The following FILIP1 variants were observed in gnomAD, a reference collection of about 807,000 sequenced individuals.
FILIP1 encodes filamin A interacting protein 1, also known as filamin-A-interacting protein 1.
In FILIP1, 61 loss-of-function variants were observed where a neutral mutation model predicts 102.1. That is an observed-to-expected ratio of 0.60 (90% CI 0.49 to 0.74). The LOEUF (loss-of-function observed/expected upper bound fraction) is 0.74. Ranked by LOEUF, FILIP1 falls within the 30% of genes least tolerant of loss-of-function variation. The pLI, the probability that FILIP1 is intolerant of heterozygous loss-of-function variation, is 0.00. For missense variants in FILIP1, 1,314 were observed against 1,441.2 expected, an observed-to-expected ratio of 0.91 and a Z score of 1.43; for synonymous variants, 491 against 526.9, an observed-to-expected ratio of 0.93 and a Z score of 0.93.
chr6:75,427,020 C>T (rs1777648998), intron 1 of FILIP1, among the ~76,000 whole-genome samples: 1 of 152,082 alleles, frequency 6.6e-6, no homozygotes, highest in Non-Finnish European at 1.5e-5. Context: ...TGCTAGCAAA[C>T]TTCCCTCCCA....
At chr6:75,465,908 C>T (rs1438175012) in intron 1 of FILIP1, among the ~76,000 whole-genome samples, 1 of 152,184 alleles carries the variant, frequency 6.6e-6, no homozygotes, top group African/African-American at 2.4e-5. Flanking sequence ...TCTGTTACCT[C>T]TCAGACCTCT....
At position 75,312,427 on chromosome 6, in the gene FILIP1, T is replaced by C; in HGVS notation, c.3405A>G (p.Thr1135=). ...VTSTITITPV[T]TSSARGTQSV... Reference sequence around the variant, plus strand: ...ACTGGGTTCCTCGAGCAGATGACGTTGTGACCGGTGTTATGGTGATAGTGC... The same window carrying C: ...ACTGGGTTCCTCGAGCAGATGACGTCGTGACCGGTGTTATGGTGATAGTGC... Residue 1135 remains threonine, a synonymous_variant, in exon 5 of 6, where the codon ACA becomes ACG. Coordinates refer to ENST00000237172, the MANE Select transcript of FILIP1 (RefSeq NM_015687.5). 6.2e-7 allele frequency: 1 copy of C among 1,614,090 alleles called. No individual in the cohort carries two copies. The highest frequency in any genetic ancestry group is 8.5e-7 in the Non-Finnish European group (1 of 1,179,994).
intron 1 of FILIP1, among the ~76,000 whole-genome samples, chr6:75,421,087 A>C (rs1286686310): frequency 6.6e-6 from 1 of 152,182 alleles, no homozygotes; most frequent in African/African-American, 2.4e-5. Flanking sequence ...AAATAATAAA[A>C]TTTTCATGAT....
chr6:75,334,402 A>G (rs1774174795), intron 4 of FILIP1, among the ~76,000 whole-genome samples: 1 of 152,166 alleles, frequency 6.6e-6, no homozygotes, highest in Admixed American at 6.6e-5. Context: ...GTAATTTTCA[A>G]GGCTTGTCAC....
chr6:75,456,502 G>A (rs1778830235), intron 1 of FILIP1, among the ~76,000 whole-genome samples: 1 of 151,464 alleles, frequency 6.6e-6, no homozygotes, highest in Non-Finnish European at 1.5e-5. Context: ...ATAAAAGTGT[G>A]TTTCATTTAA....
At chr6:75,453,937 C>T in intron 1 of FILIP1, 1 of 456,396 alleles carries the variant, frequency 2.2e-6, no homozygotes, top group South Asian at 1.6e-5. Context: ...GAAACAATGA[C>T]AAAGAACACT....
chr6:75,381,326 T>C (rs1304505762), intron 2 of FILIP1, among the ~76,000 whole-genome samples: 3 of 151,538 alleles, frequency 2.0e-5, no homozygotes, highest in African/African-American at 7.3e-5. Context: ...GCCTCCCGGG[T>C]TCAAGCGATT....
intron 3 of FILIP1, among the ~76,000 whole-genome samples, chr6:75,361,265 C>T (rs1483406000): frequency 6.6e-6 from 1 of 152,180 alleles, no homozygotes; most frequent in Non-Finnish European, 1.5e-5. Context: ...AGGTCAGAAA[C>T]TCCCCTCTCT....
rs757991673 is a variant in FILIP1 at position 75,313,907 on chromosome 6, C to T, written c.1925G>A (p.Arg642His). 10 of 1,613,834 alleles carry T rather than the reference C, an allele frequency of 6.2e-6. No individual in the cohort carries two copies. In the South Asian group the frequency reaches 7.7e-5, roughly 12 times the overall value. The part of the protein sequence containing the change: ...LTLEIERLKK[R>H]LQQLEVVEGD... ...TTCGACCACTTCCAATTGTTGGAGA[C>T]GTTTCTTCAGTCTCTCAATTTCAAG... Residue 642 changes from arginine (R) to histidine (H), a missense_variant, in exon 5 of 6, where the codon CGT (arginine) becomes CAT (histidine). Arg to His is a conservative substitution (Grantham distance 29, BLOSUM62 0). Coordinates refer to ENST00000237172, the MANE Select transcript of FILIP1 (RefSeq NM_015687.5). This position sits in a 1 kb window ranked among gnomAD's most constrained non-coding sequence, Gnocchi z 4.2.
At chr6:75,390,860 C>T (rs1224079196) in intron 2 of FILIP1, among the ~76,000 whole-genome samples, 2 of 152,068 alleles carry the variant, frequency 1.3e-5, no homozygotes, top group Admixed American at 1.3e-4. Flanking sequence ...TCTAATACTA[C>T]TTTTGCCAAT....
At position 75,470,150 on chromosome 6, in the gene FILIP1, T is replaced by C. The variant is rs1172424113; in HGVS notation, c.-7+23264A>G. On this transcript the variant is annotated intron_variant, in intron 1 of 5. Transcript: ENST00000237172. ...CTGTTATTATTTACAGAGAAAATGA[T>C]AGAAAGCTCAAGATAATCAAAGGAA... 2.0e-5 allele frequency among the ~76,000 whole-genome samples: 3 copies of C among 152,070 alleles called. No individual in the cohort carries two copies. In the South Asian group the frequency reaches 6.2e-4, roughly 32 times the overall value.
chr6:75,486,429 T>C (rs1338516931), intron 1 of FILIP1, among the ~76,000 whole-genome samples: 2 of 151,940 alleles, frequency 1.3e-5, no homozygotes, highest in Non-Finnish European at 2.9e-5. Flanking sequence ...AAAGAGCCTC[T>C]GTTAGCCTTC....
At chr6:75,372,728 G>A (rs1223962448) in intron 2 of FILIP1, among the ~76,000 whole-genome samples, 10 of 61,382 alleles carry the variant, frequency 1.6e-4, no homozygotes, top group African/African-American at 7.0e-4. Context: ...GAAAGAGAAA[G>A]AGAAAGAAAG....
At chr6:75,484,264 C>G (rs1470211832) in intron 1 of FILIP1, among the ~76,000 whole-genome samples, 1 of 152,102 alleles carries the variant, frequency 6.6e-6, no homozygotes, top group South Asian at 2.1e-4. Flanking sequence ...TACCCACTAC[C>G]AAGGGTTGAA....
intron 4 of FILIP1, among the ~76,000 whole-genome samples, chr6:75,326,094 AT>A (rs375284676): frequency 0.052 from 4,878 of 93,940 alleles, 99 homozygotes; most frequent in South Asian, 0.15. Context: ...AGATAGATAG[AT>A]TAGATAGATA....
rs1773354770 is a variant in FILIP1, at chr6:75,314,528, A to G, written c.1304T>C (p.Leu435Pro). The change falls in exon 5 of 6, where the codon CTA becomes CCA. Residue 435 changes from leucine (L) to proline (P), a missense_variant. Leu to Pro is a moderately conservative substitution (Grantham distance 98). Around this residue, in one of 3 missense-constraint regions of FILIP1, gnomAD observed 494 missense variants for 511.2 expected, o/e 0.97. Coordinates refer to ENST00000237172, the MANE Select transcript of FILIP1 (RefSeq NM_015687.5). ...VEKLQKRMSE[L>P]EKLEEAFSKS... ...GCTAAATGCTTCTTCCAATTTCTCT[A>G]GTTCAGACATTCTCTTCTGTAGCTT... 3 of 1,613,616 alleles carry G rather than the reference A, an allele frequency of 1.9e-6. No homozygotes were observed. Among genetic ancestry groups the G allele is most frequent in the Non-Finnish European group, 2.5e-6 (3 of 1,179,950 alleles).
At chr6:75,433,757 C>T (rs1777912302) in intron 1 of FILIP1, among the ~76,000 whole-genome samples, 1 of 152,162 alleles carries the variant, frequency 6.6e-6, no homozygotes, top group Admixed American at 6.5e-5. Context: ...TCATGAAGTC[C>T]TTGTCCATGC....
chr6:75,336,852 A>T (rs1304030285), intron 4 of FILIP1, among the ~76,000 whole-genome samples: 1 of 152,120 alleles, frequency 6.6e-6, no homozygotes, highest in Non-Finnish European at 1.5e-5. Context: ...ATTAATTAAC[A>T]CCCCCTTGGC....
chr6:75,371,201 C>T (rs781436016), intron 2 of FILIP1, among the ~76,000 whole-genome samples: 2 of 152,152 alleles, frequency 1.3e-5, no homozygotes, highest in Non-Finnish European at 2.9e-5. Flanking sequence ...GGTTACAGGG[C>T]CACTGGGGCT....
Sources: gnomAD v4.1 joint callset for allele counts (sites outside exome capture counted in the v4.1 genomes callset) on GRCh38, gnomAD v4.1.1 for gene constraint, gnomAD v4.1.1 regional missense constraint, Gnocchi (gnomAD v3.1) non-coding constraint, MANE v1.5 for transcripts, NCBI Gene and HGNC (gene_info 2026-07-23, HGNC 2026-07-21) for gene names.